Variants in TM6SF1 observed in about 807,000 individuals in gnomAD.
The protein encoded by TM6SF1 is transmembrane 6 superfamily member 1.
TM6SF1 carries 43 observed loss-of-function variants against 47.1 expected under a neutral mutation model. The ratio of observed to expected loss-of-function variants is 0.91; its 90% CI spans 0.72 to 1.18. The LOEUF (loss-of-function observed/expected upper bound fraction) is 1.18, where lower values mean the gene tolerates loss of function less well. Among genes scored for constraint, TM6SF1 ranks in the 50% most tolerant of loss-of-function variants. The probability of loss-of-function intolerance (pLI) is 0.00; values close to 1 mark genes in which losing one functional copy is unlikely to be tolerated. For synonymous variants in TM6SF1, 177 were observed against 166.3 expected, an observed-to-expected ratio of 1.06 and a Z score of -0.49; for missense variants, 390 against 449.0, an observed-to-expected ratio of 0.87 and a Z score of 1.19.
chr15:83,125,038 C>T (rs2035608524), intron 7 of TM6SF1, among the ~76,000 whole-genome samples: 1 of 152,148 alleles, frequency 6.6e-6, no homozygotes, highest in South Asian at 2.1e-4. Context: ...AAAAAATCAG[C>T]CATCAGAGTC....
intron 9 of TM6SF1, chr15:83,129,361 T>C (rs2036042549): frequency 6.6e-6 from 1 of 152,206 alleles, no homozygotes; most frequent in Non-Finnish European, 1.5e-5. Context: ...AAAGATCATG[T>C]GGGATATTTT....
intron 3 of TM6SF1, among the ~76,000 whole-genome samples, chr15:83,117,136 C>A (rs899998037): frequency 6.6e-6 from 1 of 152,156 alleles, no homozygotes; most frequent in African/African-American, 2.4e-5. Flanking sequence ...TAAAAATGGT[C>A]ATGGCAGTGG....
chr15:83,127,308 C>T (rs763616096), intron 8 of TM6SF1, 50 bp from the exon 9 acceptor site: 2 of 1,522,498 alleles, frequency 1.3e-6, no homozygotes, highest in East Asian at 2.5e-5. Context: ...TTTAGTCAGG[C>T]CAAGTTAACT....
At chr15:83,118,231 AC>A (rs2034873038) in intron 3 of TM6SF1, among the ~76,000 whole-genome samples, 2 of 49,752 alleles carry the variant, frequency 4.0e-5, no homozygotes, top group Middle Eastern at 8.1e-3. Context: ...CTCTGTACGT[AC>A]ACACACACAC....
chr15:83,112,895 T>C lies in TM6SF1; in HGVS notation c.191T>C (p.Phe64Ser). Residue 64 changes from phenylalanine to serine, a missense_variant, in exon 2 of 10, where the codon TTC becomes TCC. Transcript: ENST00000322019. ...AGAAAACCACCCCGGGACCCACTGT[T>C]CTATGGTACGTCTCCACAAAGGGAA... ...VKRKPPRDPL[F>S]YVYAVFGFTS... The C allele has an allele frequency of 6.2e-7, 1 of 1,611,978 alleles. No homozygotes were observed. Among genetic ancestry groups the C allele is most frequent in the East Asian group, 2.2e-5 (1 of 44,884 alleles).
chr15:83,117,534 C>T (rs1463167506), intron 3 of TM6SF1, among the ~76,000 whole-genome samples: 2 of 152,112 alleles, frequency 1.3e-5, no homozygotes, highest in Non-Finnish European at 2.9e-5. Context: ...GAAGGAAAAC[C>T]TGGAGAGTGG....
chr15:83,127,286 T>A, intron 8 of TM6SF1, 72 bp from the exon 9 acceptor site: 1 of 1,446,026 alleles, frequency 6.9e-7, no homozygotes. Flanking sequence ...AAATGTTTAC[T>A]TTTTTGTACT....
chr15:83,136,583 T>C lies in TM6SF1; in HGVS notation c.1024T>C (p.Tyr342His), dbSNP rs2036629011. Residue 342 changes from tyrosine to histidine, a missense_variant, in exon 10 of 10, where the codon TAT (tyrosine) becomes CAT (histidine). Transcript: ENST00000322019. ...KILFLALNIAYGVLPQLLAYR... is the reference protein window; with the variant it reads ...KILFLALNIAHGVLPQLLAYR... ...CCTTTTTTTAGCATTAAACATAGCA[T>C]ATGGAGTTCTTCCTCAGCTCTTGGC... 6.2e-7 allele frequency: 1 copy of C among 1,613,858 alleles called. No individual in the cohort carries two copies. The highest frequency in any genetic ancestry group is 8.5e-7 in the Non-Finnish European group (1 of 1,179,868).
intron 5 of TM6SF1, 84 bp from the exon 6 acceptor site, chr15:83,122,673 G>T: frequency 1.3e-6 from 2 of 1,493,324 alleles, no homozygotes; most frequent in South Asian, 1.3e-5. Flanking sequence ...AATTTTAGAT[G>T]ACCTGAGATG....
At chr15:83,124,292 G>A (rs2035535441) in intron 6 of TM6SF1, among the ~76,000 whole-genome samples, 1 of 152,110 alleles carries the variant, frequency 6.6e-6, no homozygotes, top group Non-Finnish European at 1.5e-5. Context: ...GTGTATATAT[G>A]TATGTTGTGT....
At chr15:83,125,511 T>G (rs920182478) in intron 7 of TM6SF1, among the ~76,000 whole-genome samples, 5 of 152,188 alleles carry the variant, frequency 3.3e-5, no homozygotes, top group African/African-American at 1.2e-4. Context: ...TTTTGGAGAT[T>G]AAATAATGTA....
At chr15:83,127,614 C>T (rs1293801475) in intron 9 of TM6SF1, 137 bp downstream of exon 9, 1 of 904,128 alleles carries the variant, frequency 1.1e-6, no homozygotes, top group East Asian at 2.6e-5. Context: ...TGCAGTTCTT[C>T]AGAAGACATT....
chr15:83,113,879 C>G (rs956520335), intron 2 of TM6SF1: 1 of 152,252 alleles, frequency 6.6e-6, no homozygotes, highest in Non-Finnish European at 1.5e-5. Flanking sequence ...TAGGGCCAAG[C>G]CCATCAGCAA....
At chr15:83,131,304 A>C (rs1445133105) in intron 9 of TM6SF1, 1 of 152,100 alleles carries the variant, frequency 6.6e-6, no homozygotes, top group Non-Finnish European at 1.5e-5. Flanking sequence ...CCACCTTTGA[A>C]AAGTTCTAGA....
chr15:83,113,244 C>CA (rs1378141716), intron 2 of TM6SF1: 11 of 377,232 alleles, frequency 2.9e-5, no homozygotes, highest in Non-Finnish European at 5.5e-5. Flanking sequence ...CAGTCCCCCC[C>CA]ACTTAGTGCA....
intron 1 of TM6SF1, chr15:83,111,708 G>C (rs900558462): frequency 1.4e-5 from 14 of 984,816 alleles, no homozygotes; most frequent in Non-Finnish European, 1.6e-5. Context: ...GAGTGGGCCA[G>C]GTAGTATTTT....
At chr15:83,130,677 C>T (rs369330590) in intron 9 of TM6SF1, 3 of 152,144 alleles carry the variant, frequency 2.0e-5, no homozygotes, top group Non-Finnish European at 4.4e-5. Flanking sequence ...GAAGCCATGC[C>T]GCAACAAAAC....
chr15:83,115,594 C>A, intron 2 of TM6SF1: 1 of 632,894 alleles, frequency 1.6e-6, no homozygotes, highest in Non-Finnish European at 2.9e-6. Flanking sequence ...CCGGCAGTGA[C>A]CATCATTCTC....
chr15:83,130,243 T>C (rs1235192075), intron 9 of TM6SF1: 3 of 152,244 alleles, frequency 2.0e-5, no homozygotes, highest in Non-Finnish European at 2.9e-5. Flanking sequence ...AGGAAGGTCA[T>C]AGCTTAGAGG....
Sources: gnomAD v4.1 joint callset for allele counts (sites outside exome capture counted in the v4.1 genomes callset) on GRCh38, gnomAD v4.1.1 for gene constraint, MANE v1.5 for transcripts, NCBI Gene and HGNC (gene_info 2026-07-23, HGNC 2026-07-21) for gene names.